Variants in FARP1 observed in about 807,000 individuals in gnomAD.
FARP1 encodes FERM, ARHGEF and pleckstrin domain-containing protein 1.
FARP1 carries 52 observed loss-of-function variants against 128.8 expected under a neutral mutation model. The ratio of observed to expected loss-of-function variants is 0.40; its 90% CI spans 0.32 to 0.51. The LOEUF is 0.51. Ranked by LOEUF, FARP1 falls within the 20% of genes least tolerant of loss-of-function variation. FARP1 has a pLI of 0.45. For missense variants in FARP1, 1,333 were observed against 1,367.9 expected (o/e 0.97, Z 0.40); for synonymous variants, 580 against 551.8 (o/e 1.05, Z -0.72).
chr13:98,222,889 G>T (rs1881507729), intron 2 of FARP1, among the ~76,000 whole-genome samples: 1 of 150,946 alleles, frequency 6.6e-6, no homozygotes. Flanking sequence ...GGCTGCCTTG[G>T]CCTCCTAAAG....
intron 2 of FARP1, among the ~76,000 whole-genome samples, chr13:98,308,022 CCA>C: frequency 3.0e-4 from 13 of 42,770 alleles, no homozygotes; most frequent in South Asian, 2.3e-3. Context: ...CCGCCCGCCC[CCA>C]CTCTCTCTCT....
intron 5 of FARP1, among the ~76,000 whole-genome samples, chr13:98,376,415 A>C (rs1046363169): frequency 6.6e-6 from 1 of 152,040 alleles, no homozygotes; most frequent in Admixed American, 6.6e-5. Context: ...TAACATAATG[A>C]CCTCCAGTTC....
At chr13:98,264,951 C>T (rs374585385) in intron 2 of FARP1, among the ~76,000 whole-genome samples, 9 of 152,118 alleles carry the variant, frequency 5.9e-5, no homozygotes, top group African/African-American at 1.4e-4. Context: ...ACATGGTTAC[C>T]GAACCTTACA....
At chr13:98,419,078 C>T (rs1425046055) in intron 16 of FARP1, among the ~76,000 whole-genome samples, 1 of 152,202 alleles carries the variant, frequency 6.6e-6, no homozygotes, top group Non-Finnish European at 1.5e-5. Flanking sequence ...GCCTCTCGCA[C>T]AAATGTCATC....
rs1882722098 is a variant in FARP1, at chr13:98,240,783, T to A, written c.171+27370T>A. ...GGGTTGGTTTTGTGTCGTGTTCTAGTGCGTTTTCATCGTGAACATCTTAGG... is the reference window on the plus strand; with the variant it reads ...GGGTTGGTTTTGTGTCGTGTTCTAGAGCGTTTTCATCGTGAACATCTTAGG... On this transcript the variant is annotated intron_variant, in intron 2 of 26. Transcript: ENST00000319562. Among the ~76,000 whole-genome samples the A allele has an allele frequency of 2.0e-5, 3 of 152,164 alleles. No homozygotes were observed. In the South Asian group the frequency reaches 6.2e-4, roughly 32 times the overall value.
Position 98,244,245 on chromosome 13 carries a change from TTC to T in FARP1, c.171+30834_171+30835del, listed in dbSNP as rs539513162. 1.3e-3 allele frequency among the ~76,000 whole-genome samples: 195 copies of T among 152,296 alleles called. 1 individual carries two copies. Among genetic ancestry groups the T allele is most frequent in the African/African-American group, 4.4e-3 (183 of 41,564 alleles). The stretch of plus-strand genomic sequence containing the variant: ...TTTTGGTTTTCCCAGCAAACACCCT[TTC>T]TACCCCACTTCCTAGCTTTATTGAG... On this transcript the variant is annotated intron_variant, in intron 2 of 26. Coordinates refer to ENST00000319562, the MANE Select transcript of FARP1 (RefSeq NM_005766.4).
Position 98,442,080 on chromosome 13 carries a change from T to C in FARP1, c.2796+1244T>C, listed in dbSNP as rs78566295. 1.5e-3 allele frequency among the ~76,000 whole-genome samples: 223 copies of C among 152,328 alleles called. 5 individuals carry two copies. In the South Asian group the frequency reaches 0.016, roughly 11 times the overall value. ...GCTGGGGCGAGGCCATTCATCATTG[T>C]GATTGTGTTTTATGTGAATGCTCAC... On this transcript the variant is annotated intron_variant, in intron 24 of 26. Transcript: ENST00000319562.
chr13:98,246,147 T>A (rs577159980), intron 2 of FARP1, among the ~76,000 whole-genome samples: 50 of 115,798 alleles, frequency 4.3e-4, no homozygotes, highest in Admixed American at 2.7e-3. Context: ...CAGGCTGGAG[T>A]GCAGTGGCGC....
chr13:98,249,217 G>A (rs1400252045), intron 2 of FARP1, among the ~76,000 whole-genome samples: 2 of 152,058 alleles, frequency 1.3e-5, no homozygotes, highest in African/African-American at 4.8e-5. Flanking sequence ...GAGCACCCAT[G>A]GGTGCTCATT....
chr13:98,341,759 G>T (rs1887983740), intron 2 of FARP1, among the ~76,000 whole-genome samples: 1 of 152,206 alleles, frequency 6.6e-6, no homozygotes, highest in Admixed American at 6.5e-5. Context: ...TCAGTCACTG[G>T]GAATGTACAT....
chr13:98,418,364 T>A (rs1394674339), intron 16 of FARP1, among the ~76,000 whole-genome samples: 1 of 152,190 alleles, frequency 6.6e-6, no homozygotes, highest in Non-Finnish European at 1.5e-5. Flanking sequence ...AACCTCCGTC[T>A]CCCAGGTTCA....
intron 19 of FARP1, among the ~76,000 whole-genome samples, chr13:98,438,546 T>C (rs565374129): frequency 2.0e-5 from 3 of 152,044 alleles, no homozygotes; most frequent in Non-Finnish European, 4.4e-5. Flanking sequence ...AGATGATCCC[T>C]AGAGAGGGTT....
chr13:98,247,742 A>G (rs181948184), intron 2 of FARP1, among the ~76,000 whole-genome samples: 2 of 152,258 alleles, frequency 1.3e-5, no homozygotes, highest in Admixed American at 1.3e-4. Context: ...CAGAGTGTAG[A>G]TGATGCGGAT....
At chr13:98,430,450 C>G (rs1891967695) in intron 17 of FARP1, among the ~76,000 whole-genome samples, 1 of 152,176 alleles carries the variant, frequency 6.6e-6, no homozygotes, top group African/African-American at 2.4e-5. Context: ...TGAATTCATT[C>G]CTCCTTTAAT....
In FARP1 at chr13:98,143,298, C is replaced by T. The variant is rs1422617092; in HGVS notation, c.-218C>T. ...CCCACCCCGCCTGCTCCGCCCTCCC[C>T]TCCGCCCCGCGCCACCTTTGATGGC... is the stretch of plus-strand genomic sequence containing the variant. On this transcript the variant is annotated 5_prime_UTR_variant, in exon 1 of 27. Coordinates refer to ENST00000319562, the MANE Select transcript of FARP1 (RefSeq NM_005766.4). 6.7e-6 allele frequency: 1 copy of T among 149,776 alleles called. No homozygotes were observed. Among genetic ancestry groups the T allele is most frequent in the Non-Finnish European group, 1.5e-5 (1 of 66,888 alleles). The allele number at this position is 149,776 out of a possible 1,614,324, so 9.3% of individuals were successfully genotyped here. A position where few individuals can be genotyped will look rare whatever the true frequency, so the allele number is the denominator to read the frequency against.
intron 24 of FARP1, among the ~76,000 whole-genome samples, chr13:98,441,785 G>C (rs1892535838): frequency 6.6e-6 from 1 of 152,200 alleles, no homozygotes; most frequent in Non-Finnish European, 1.5e-5. Flanking sequence ...CTCGCCTGGG[G>C]AGGAAAGGGG....
intron 1 of FARP1, among the ~76,000 whole-genome samples, chr13:98,151,660 C>CTTTTTTTTTCTTTTTTT (rs1876011036): frequency 1.4e-5 from 1 of 69,224 alleles, no homozygotes; most frequent in Non-Finnish European, 2.8e-5. Flanking sequence ...TATCTTCCAT[C>CTTTTTTTTTCTTTTTTT]TTTTTTTTTT....
Position 98,157,666 on chromosome 13 carries a change from G to C in FARP1, c.-24+14174G>C, listed in dbSNP as rs1475011925. On this transcript the variant is annotated intron_variant, in intron 1 of 26. Transcript: ENST00000319562. ...CCTCATTTTACTTAAGAGGGTAATG[G>C]AGGTTCAGAGAGGTTAAGTGTGCCT... Among the ~76,000 whole-genome samples the C allele has an allele frequency of 2.0e-5, 3 of 152,300 alleles. No homozygotes were observed. In the East Asian group the frequency reaches 5.8e-4, roughly 29 times the overall value.
At position 98,270,926 on chromosome 13, in the gene FARP1, C is replaced by G. The variant is rs561722312; in HGVS notation, c.171+57513C>G. Among the ~76,000 whole-genome samples, 9 of 152,268 alleles carry G rather than the reference C, an allele frequency of 5.9e-5. No individual in the cohort carries two copies. The South Asian group carries it at 1.9e-3, about 32-fold the overall frequency. ...GCAGGCCAGGGTACGAGTCTAGATG[C>G]CACCCTCTGAGCCATCGTTTCTTCA... On this transcript the variant is annotated intron_variant, in intron 2 of 26. Coordinates refer to ENST00000319562, the MANE Select transcript of FARP1 (RefSeq NM_005766.4).
Sources: gnomAD v4.1 joint callset for allele counts (sites outside exome capture counted in the v4.1 genomes callset) on GRCh38, gnomAD v4.1.1 for gene constraint, MANE v1.5 for transcripts, NCBI Gene and HGNC (gene_info 2026-07-23, HGNC 2026-07-21) for gene names.